The following MEGF11 variants were observed in gnomAD, a reference collection of about 807,000 sequenced individuals.
MEGF11 encodes multiple EGF like domains 11.
A neutral mutation model predicts 146.6 loss-of-function variants in MEGF11; 126 were observed. That is an observed-to-expected ratio of 0.86 (90% CI 0.74 to 1.00). The LOEUF is 1.00. Ranked by LOEUF, MEGF11 falls within the 50% of genes least tolerant of loss-of-function variation. The pLI is 0.00. For missense variants in MEGF11, 1,509 were observed against 1,521.2 expected, an observed-to-expected ratio of 0.99 and a Z score of 0.13; for synonymous variants, 532 against 583.4, an observed-to-expected ratio of 0.91 and a Z score of 1.27.
In MEGF11 at chr15:65,965,056, T is replaced by C; in HGVS notation, c.964A>G (p.Asn322Asp). Residue 322 changes from asparagine to aspartate, a missense_variant, in exon 9 of 26, where the codon AAT becomes GAT. By Grantham distance (23) the Asn-to-Asp change is conservative. Transcript: ENST00000395614. Reference protein sequence around the residue: ...FQCSQHCDCHNGGQCSPTTGA... With the variant: ...FQCSQHCDCHDGGQCSPTTGA... ...GTGGTGGGTGAACACTGCCCCCCAT[T>C]GTGGCAGTCACAGTGCTGTGAGCAC... 1 of 1,594,896 alleles carries C rather than the reference T, an allele frequency of 6.3e-7. No individual in the cohort carries two copies. The highest frequency in any genetic ancestry group is 8.5e-7 in the Non-Finnish European group (1 of 1,170,542).
intron 13 of MEGF11, among the ~76,000 whole-genome samples, chr15:65,923,471 A>G (rs1440951136): frequency 6.6e-6 from 1 of 152,164 alleles, no homozygotes; most frequent in Non-Finnish European, 1.5e-5. Flanking sequence ...GTCCCTGCCA[A>G]CCCACCCAGG....
chr15:66,088,771 A>G (rs1476034234), intron 5 of MEGF11, among the ~76,000 whole-genome samples: 2 of 152,222 alleles, frequency 1.3e-5, no homozygotes, highest in East Asian at 3.8e-4. Flanking sequence ...TTCCAATTAT[A>G]TGAAGCACAG....
chr15:66,225,476 T>C (rs1478995496), intron 1 of MEGF11, among the ~76,000 whole-genome samples: 2 of 152,184 alleles, frequency 1.3e-5, no homozygotes, highest in Non-Finnish European at 1.5e-5. Context: ...ACCCTCTACC[T>C]TACCAGGCTC....
intron 4 of MEGF11, among the ~76,000 whole-genome samples, chr15:66,111,159 G>C (rs2087379599): frequency 6.6e-6 from 1 of 152,188 alleles, no homozygotes; most frequent in Admixed American, 6.5e-5. Flanking sequence ...TAACAATAAT[G>C]CTCACTTCTC....
At chr15:66,144,568 GC>G (rs2089294854) in intron 1 of MEGF11, among the ~76,000 whole-genome samples, 1 of 152,122 alleles carries the variant, frequency 6.6e-6, no homozygotes, top group South Asian at 2.1e-4. Context: ...GGCCAGCTAG[GC>G]CCAGGTGAAA....
intron 4 of MEGF11, among the ~76,000 whole-genome samples, chr15:66,116,183 A>G (rs1256223391): frequency 6.6e-6 from 1 of 152,080 alleles, no homozygotes; most frequent in Non-Finnish European, 1.5e-5. Context: ...AGGCCCCGTG[A>G]AGCAGGTGGC....
intron 4 of MEGF11, among the ~76,000 whole-genome samples, chr15:66,117,635 T>A (rs2087795369): frequency 3.9e-5 from 6 of 152,212 alleles, no homozygotes; most frequent in Admixed American, 3.9e-4. Context: ...CGCTTACATC[T>A]GTCCCTGAGG....
intron 1 of MEGF11, among the ~76,000 whole-genome samples, chr15:66,220,062 G>A (rs181883969): frequency 4.6e-5 from 7 of 152,248 alleles, no homozygotes; most frequent in African/African-American, 1.4e-4. Context: ...GTGTCCTTAT[G>A]AGAAGGCCAC....
chr15:66,253,339 G>T (rs2140280211), intron 1 of MEGF11, among the ~76,000 whole-genome samples: 1 of 152,322 alleles, frequency 6.6e-6, no homozygotes, highest in African/African-American at 2.4e-5. Context: ...CGGCCGGAGG[G>T]CTGCGGCTGC....
chr15:66,101,340 A>G lies in MEGF11; in HGVS notation c.302-6846T>C, dbSNP rs186767027. The stretch of plus-strand genomic sequence containing the variant: ...GTGAATGAGCCCCTGCCCTCCCCAC[A>G]CTGGGCCTTCAAACAGCCTGGAACT... On this transcript the variant is annotated intron_variant, in intron 4 of 25. Transcript: ENST00000395614. 1.9e-4 allele frequency among the ~76,000 whole-genome samples: 29 copies of G among 152,160 alleles called. 1 individual carries two copies. In the East Asian group the frequency reaches 4.1e-3, roughly 21 times the overall value.
chr15:66,008,612 C>T (rs2082603468), intron 5 of MEGF11, among the ~76,000 whole-genome samples: 1 of 151,948 alleles, frequency 6.6e-6, no homozygotes, highest in Non-Finnish European at 1.5e-5. Context: ...TTGCTTGAGC[C>T]CAAGAGTTCC....
At chr15:66,234,951 G>T (rs944127918) in intron 1 of MEGF11, among the ~76,000 whole-genome samples, 5 of 152,126 alleles carry the variant, frequency 3.3e-5, no homozygotes, top group African/African-American at 1.2e-4. Flanking sequence ...GGAACTCAGG[G>T]TCTGGTGATG....
intron 1 of MEGF11, among the ~76,000 whole-genome samples, chr15:66,144,110 C>T (rs1264090974): frequency 1.3e-5 from 2 of 152,190 alleles, no homozygotes; most frequent in East Asian, 3.8e-4. Context: ...GCTCCCAGCA[C>T]ACACGGACAC....
At chr15:66,160,245 CTCT>C (rs764831737) in intron 1 of MEGF11, among the ~76,000 whole-genome samples, 1,605 of 75,536 alleles carry the variant, frequency 0.021, 14 homozygotes, top group Non-Finnish European at 0.034. Flanking sequence ...GAAAAGCCCT[CTCT>C]CTCTCTCTCT....
chr15:65,927,997 A>G (rs569858001), intron 13 of MEGF11, among the ~76,000 whole-genome samples: 3 of 152,274 alleles, frequency 2.0e-5, no homozygotes, highest in South Asian at 4.2e-4. Flanking sequence ...CAGATGCGGG[A>G]TGGTACCCAG....
intron 8 of MEGF11, among the ~76,000 whole-genome samples, chr15:65,969,880 G>T (rs2081242841): frequency 2.0e-5 from 3 of 152,076 alleles, no homozygotes; most frequent in Admixed American, 2.0e-4. Context: ...CCTGGGTTCT[G>T]TGGGTTTCAA....
At chr15:66,144,350 G>A (rs558915248) in intron 1 of MEGF11, among the ~76,000 whole-genome samples, 2 of 152,132 alleles carry the variant, frequency 1.3e-5, no homozygotes, top group East Asian at 3.9e-4. Flanking sequence ...CAACAGGAAA[G>A]CCCACCAAGG....
At chr15:65,989,992 A>G (rs1300314292) in intron 5 of MEGF11, among the ~76,000 whole-genome samples, 6 of 152,208 alleles carry the variant, frequency 3.9e-5, no homozygotes, top group Admixed American at 3.9e-4. Context: ...TAGACACTTG[A>G]GACCAGCCTG....
intron 5 of MEGF11, among the ~76,000 whole-genome samples, chr15:66,032,541 T>C (rs1403565428): frequency 2.0e-5 from 3 of 152,200 alleles, no homozygotes; most frequent in Admixed American, 6.5e-5. Flanking sequence ...ACCAGAATGT[T>C]GATAGAAATA....
Sources: gnomAD v4.1 joint callset for allele counts (sites outside exome capture counted in the v4.1 genomes callset) on GRCh38, gnomAD v4.1.1 for gene constraint, MANE v1.5 for transcripts, NCBI Gene and HGNC (gene_info 2026-07-23, HGNC 2026-07-21) for gene names.